The following PASD1 variants were observed in gnomAD, a reference collection of about 807,000 sequenced individuals.
PASD1 encodes PAS domain containing repressor 1.
A neutral mutation model predicts 58.8 loss-of-function variants in PASD1; 13 were observed. The observed-to-expected ratio is 0.22, with a 90% CI of 0.14 to 0.35. The LOEUF is 0.35. Ranked by LOEUF, PASD1 falls within the 10% of genes least tolerant of loss-of-function variation. The pLI, the probability that PASD1 is intolerant of heterozygous loss-of-function variation, is 1.00. For synonymous variants in PASD1, 236 were observed against 216.7 expected, an observed-to-expected ratio of 1.09 and a Z score of -0.78; for missense variants, 734 against 568.3, an observed-to-expected ratio of 1.29 and a Z score of -2.96.
intron 8 of PASD1, among the ~76,000 whole-genome samples, chrX:151,641,718 AGAG>A (rs1442722648): frequency 1.8e-5 from 2 of 110,799 alleles, no homozygotes; most frequent in Non-Finnish European, 3.8e-5. Flanking sequence ...AGGGAATTGG[AGAG>A]GAGAAGGGTA....
At chrX:151,671,899 C>A in intron 13 of PASD1, 120 bp downstream of exon 13, 2 of 837,749 alleles carry the variant, frequency 2.4e-6, no homozygotes, top group Non-Finnish European at 1.7e-6. Flanking sequence ...TTTATTTGCC[C>A]AAGATAGTAA....
chrX:151,566,205 C>T (rs1309606108), intron 1 of PASD1, among the ~76,000 whole-genome samples: 2 of 112,103 alleles, frequency 1.8e-5, no homozygotes, highest in Admixed American at 9.4e-5. Context: ...GCTAGTGGAG[C>T]AGAGAAACGT....
chrX:151,658,794 A>G (rs1292788499), intron 9 of PASD1, among the ~76,000 whole-genome samples: 1 of 112,555 alleles, frequency 8.9e-6, no homozygotes, highest in Non-Finnish European at 1.9e-5. Context: ...GAACAAAAGC[A>G]AACAAAATAT....
intron 8 of PASD1, chrX:151,641,168 G>A (rs951705771): frequency 1.8e-5 from 2 of 109,557 alleles, no homozygotes; most frequent in Admixed American, 9.8e-5. Context: ...AGTGCTGTTC[G>A]GTGTTTTTCC....
intron 2 of PASD1, 81 bp downstream of exon 2, chrX:151,601,662 C>A: frequency 9.8e-7 from 1 of 1,023,028 alleles, no homozygotes; most frequent in Non-Finnish European, 1.4e-6. Flanking sequence ...TAGCAAAATG[C>A]TACTTCCTCA....
intron 1 of PASD1, among the ~76,000 whole-genome samples, chrX:151,597,409 C>A (rs893512128): frequency 8.9e-6 from 1 of 111,877 alleles, no homozygotes; most frequent in African/African-American, 3.2e-5. Flanking sequence ...GGGTAAAATT[C>A]ATTTTCCAAG....
At position 151,671,048 on chromosome X, in the gene PASD1, C is replaced by T; in HGVS notation, c.1082C>T (p.Pro361Leu). The T allele has an allele frequency of 3.3e-6, 4 of 1,209,959 alleles. No homozygotes were observed. Among genetic ancestry groups the T allele is most frequent in the Non-Finnish European group, 4.5e-6 (4 of 894,591 alleles). ...AAGASAQPLQ[P>L]SSPVAYDIIS... ...AATTCCTCCCCACAGCCATTACAGC[C>T]ATCATCACCAGTTGCATATGACATC... The change falls in exon 12 of 16, where the codon CCA becomes CTA. Residue 361 changes from proline (P) to leucine (L), a missense_variant. Physicochemically the swap from Pro to Leu is moderately conservative, Grantham distance 98. Transcript: ENST00000370357.
At chrX:151,645,900 GTGTTTTTTGTTT>G (rs1490111171) in intron 8 of PASD1, 1 of 2,785 alleles carries the variant, frequency 3.6e-4, no homozygotes, top group African/African-American at 4.3e-4. Flanking sequence ...TAATTGTGAG[GTGTTTTTTGTTT>G]TGTTTTGTTT....
At chrX:151,604,779 T>C in intron 3 of PASD1, 45 bp downstream of exon 3, 1 of 985,491 alleles carries the variant, frequency 1.0e-6, no homozygotes, top group Non-Finnish European at 1.4e-6. Context: ...GTTGAATACA[T>C]GTAATAGAAG....
intron 4 of PASD1, among the ~76,000 whole-genome samples, chrX:151,615,891 G>A (rs768755511): frequency 1.8e-5 from 2 of 112,322 alleles, no homozygotes; most frequent in South Asian, 3.7e-4. Flanking sequence ...TATAAATAAC[G>A]TGATTGGCTA....
At chrX:151,666,494 A>G (rs1488223757) in intron 11 of PASD1, among the ~76,000 whole-genome samples, 2 of 108,402 alleles carry the variant, frequency 1.8e-5, no homozygotes, top group Admixed American at 9.9e-5. Flanking sequence ...TTAACTCATC[A>G]TTTAACATTA....
At chrX:151,608,284 A>G (rs2013511763) in intron 3 of PASD1, among the ~76,000 whole-genome samples, 1 of 112,025 alleles carries the variant, frequency 8.9e-6, no homozygotes, top group African/African-American at 3.2e-5. Context: ...TTCATTACAA[A>G]TGACAATGAG....
chrX:151,653,194 A>AT (rs1262963505), intron 9 of PASD1, among the ~76,000 whole-genome samples: 46 of 89,321 alleles, frequency 5.1e-4, no homozygotes, highest in East Asian at 4.8e-3. Flanking sequence ...ATATATATAT[A>AT]TATTTTTTTT....
chrX:151,599,723 C>T (rs1006572277), intron 1 of PASD1, among the ~76,000 whole-genome samples: 18 of 108,019 alleles, frequency 1.7e-4, no homozygotes, highest in African/African-American at 4.7e-4. Context: ...CGGGCAGAGA[C>T]GCTCCTCACC....
Position 151,673,945 on chromosome X carries a change from A to G in PASD1, c.1934A>G (p.Tyr645Cys). The change falls in exon 15 of 16, where the codon TAT (tyrosine) becomes TGT (cysteine). Residue 645 changes from tyrosine (Y) to cysteine (C), a missense_variant. Transcript: ENST00000370357. ...DESQSFYPEA[Y>C]QGPPVNQLPL... ...TCTTACAGTTTTTATCCTGAGGCGT[A>G]TCAAGGGCCCCCCGTGAACCAGCTG... is the stretch of plus-strand genomic sequence containing the variant. The G allele has an allele frequency of 8.3e-7, 1 of 1,211,562 alleles. No homozygotes were observed.
chrX:151,570,934 T>A (rs1398171475), intron 1 of PASD1, among the ~76,000 whole-genome samples: 1 of 111,843 alleles, frequency 8.9e-6, no homozygotes, highest in East Asian at 2.8e-4. Flanking sequence ...GGTTGGAGAA[T>A]GGCCCTTTAA....
chrX:151,585,923 G>A (rs1467759835), intron 1 of PASD1, among the ~76,000 whole-genome samples: 1 of 111,415 alleles, frequency 9.0e-6, no homozygotes, highest in Non-Finnish European at 1.9e-5. Flanking sequence ...GATAAATAAG[G>A]GAGGGAAATT....
At chrX:151,630,581 G>T (rs2013854722) in intron 8 of PASD1, among the ~76,000 whole-genome samples, 1 of 112,253 alleles carries the variant, frequency 8.9e-6, no homozygotes, top group South Asian at 3.7e-4. Flanking sequence ...TCATATCAGG[G>T]TTGTAATTTT....
At chrX:151,579,926 GT>G (rs1328622372) in intron 1 of PASD1, among the ~76,000 whole-genome samples, 1 of 111,979 alleles carries the variant, frequency 8.9e-6, no homozygotes, top group Non-Finnish European at 1.9e-5. Context: ...TGTTTTCTCT[GT>G]GAGTCTAAGA....
Sources: allele counts gnomAD v4.1 joint callset (sites outside exome capture counted in the v4.1 genomes callset), GRCh38; gene constraint gnomAD v4.1.1; transcripts MANE v1.5; gene names NCBI Gene and HGNC (gene_info 2026-07-23, HGNC 2026-07-21).